The following TIAM1 variants were observed in gnomAD, a reference collection of about 807,000 sequenced individuals.
TIAM1 encodes TIAM Rac1 associated GEF 1, also known as rho guanine nucleotide exchange factor TIAM1.
In TIAM1, 65 loss-of-function variants were observed where a neutral mutation model predicts 163.5. The observed-to-expected ratio is 0.40, with a 90% CI of 0.33 to 0.49. TIAM1 has a LOEUF of 0.49. Among genes scored for constraint, TIAM1 ranks in the 20% least tolerant of loss-of-function variants. TIAM1 has a pLI of 0.77. For missense variants in TIAM1, 1,789 were observed against 2,044.7 expected (o/e 0.87, Z 2.41); for synonymous variants, 833 against 810.1 (o/e 1.03, Z -0.48).
chr21:31,461,341 T>A (rs1207550250), intron 2 of TIAM1, among the ~76,000 whole-genome samples: 1 of 152,004 alleles, frequency 6.6e-6, no homozygotes, highest in Non-Finnish European at 1.5e-5. Flanking sequence ...AAAAATTAGC[T>A]GGGCGTGATG....
At chr21:31,170,451 A>G (rs1455336918) in intron 15 of TIAM1, among the ~76,000 whole-genome samples, 1 of 152,216 alleles carries the variant, frequency 6.6e-6, no homozygotes, top group Non-Finnish European at 1.5e-5. Context: ...ATGGATGCAG[A>G]CCACACTGGC....
chr21:31,389,205 AT>A (rs1444811683), intron 2 of TIAM1, among the ~76,000 whole-genome samples: 1 of 151,984 alleles, frequency 6.6e-6, no homozygotes, highest in East Asian at 1.9e-4. Context: ...TTATTTTATT[AT>A]TTTTATTTTA....
chr21:31,245,251 C>T (rs1343398800), intron 6 of TIAM1, among the ~76,000 whole-genome samples: 2 of 151,946 alleles, frequency 1.3e-5, no homozygotes, highest in Non-Finnish European at 2.9e-5. Context: ...CAACTCATAG[C>T]CCTCCTTAGC....
At chr21:31,150,860 T>C (rs918518036) in intron 19 of TIAM1, among the ~76,000 whole-genome samples, 2 of 152,134 alleles carry the variant, frequency 1.3e-5, no homozygotes, top group Non-Finnish European at 2.9e-5. Context: ...ATAAAGGATA[T>C]ACAAAGAACT....
chr21:31,181,112 T>C (rs2084991374), intron 15 of TIAM1, among the ~76,000 whole-genome samples: 1 of 152,192 alleles, frequency 6.6e-6, no homozygotes, highest in South Asian at 2.1e-4. Context: ...AAACCCCAAC[T>C]TACTAAATCA....
At chr21:31,209,789 A>G (rs897460157) in intron 11 of TIAM1, among the ~76,000 whole-genome samples, 4 of 152,368 alleles carry the variant, frequency 2.6e-5, no homozygotes, top group Admixed American at 2.0e-4. Flanking sequence ...CATGTGATAC[A>G]TGCATTAGAA....
chr21:31,507,800 T>C (rs2047081932), intron 1 of TIAM1, among the ~76,000 whole-genome samples: 1 of 152,060 alleles, frequency 6.6e-6, no homozygotes, highest in Non-Finnish European at 1.5e-5. Context: ...AATCATATTA[T>C]GGGAAGGTGT....
At chr21:31,238,995 C>A (rs576963707) in intron 6 of TIAM1, among the ~76,000 whole-genome samples, 1 of 152,118 alleles carries the variant, frequency 6.6e-6, no homozygotes, top group African/African-American at 2.4e-5. Flanking sequence ...TGGTGGTATA[C>A]AATAAGGGCT....
At chr21:31,404,896 C>T (rs1196919580) in intron 2 of TIAM1, among the ~76,000 whole-genome samples, 1 of 151,994 alleles carries the variant, frequency 6.6e-6, no homozygotes, top group Admixed American at 6.6e-5. Context: ...TACCAATATC[C>T]AACAGCTCCC....
intron 1 of TIAM1, among the ~76,000 whole-genome samples, chr21:31,485,977 T>C (rs1175087552): frequency 6.6e-6 from 1 of 152,194 alleles, no homozygotes; most frequent in African/African-American, 2.4e-5. Flanking sequence ...TGCCTGGTTC[T>C]CTGATTCCCT....
chr21:31,189,044 C>CTTTTTTTTTT (rs58786753), intron 13 of TIAM1, among the ~76,000 whole-genome samples: 10 of 70,070 alleles, frequency 1.4e-4, no homozygotes, highest in African/African-American at 2.9e-4. Context: ...TCCATTCCCT[C>CTTTTTTTTTT]TTTTTTTTTT....
At chr21:31,208,772 G>T (rs1317749274) in intron 11 of TIAM1, among the ~76,000 whole-genome samples, 1 of 152,172 alleles carries the variant, frequency 6.6e-6, no homozygotes, top group African/African-American at 2.4e-5. Flanking sequence ...AAAGCCGTCT[G>T]TGATTTGCTT....
At chr21:31,441,791 G>A (rs141988330) in intron 2 of TIAM1, among the ~76,000 whole-genome samples, 1,687 of 151,244 alleles carry the variant, frequency 0.011, 34 homozygotes, top group African/African-American at 0.039. Context: ...GCTCATGCCT[G>A]TAATCCCAGC....
chr21:31,311,445 G>C (rs142032794), intron 2 of TIAM1, among the ~76,000 whole-genome samples: 1 of 152,166 alleles, frequency 6.6e-6, no homozygotes, highest in African/African-American at 2.4e-5. Context: ...CAGAATGGAA[G>C]GTGATTTATC....
In TIAM1 at chr21:31,120,764, A is replaced by C; in HGVS notation, c.4380T>G (p.Asp1460Glu). The change falls in exon 28 of 28, where the codon GAT becomes GAG. Residue 1460 changes from aspartate (D) to glutamate (E), a missense_variant. Physicochemically the swap from Asp to Glu is conservative, Grantham distance 45. This residue lies in a region of TIAM1 where 415 missense variants were observed against 439.2 expected (regional missense o/e 0.94). Coordinates refer to ENST00000541036, the MANE Select transcript of TIAM1 (RefSeq NM_001353694.2). This position sits in a 1 kb window ranked among gnomAD's most constrained non-coding sequence, Gnocchi z 4.2. ...LARNRFTIDSDAVSASSPEKE... is the reference protein window; with the variant it reads ...LARNRFTIDSEAVSASSPEKE... ...TCTCCGGGCTGCTTGCGGAGACGGCATCAGAATCAATGGTAAACCTGTTTC... is the reference window on the plus strand; with the variant it reads ...TCTCCGGGCTGCTTGCGGAGACGGCCTCAGAATCAATGGTAAACCTGTTTC... 1 of 1,614,060 alleles carries C rather than the reference A, an allele frequency of 6.2e-7. No homozygotes were observed. The highest frequency in any genetic ancestry group is 8.5e-7 in the Non-Finnish European group (1 of 1,180,034).
intron 2 of TIAM1, among the ~76,000 whole-genome samples, chr21:31,295,630 T>C (rs1786399154): frequency 6.6e-6 from 1 of 152,158 alleles, no homozygotes; most frequent in Admixed American, 6.5e-5. Flanking sequence ...AATGAAATTC[T>C]TTATGATGAA....
At chr21:31,531,962 A>T (rs11486543) in intron 1 of TIAM1, among the ~76,000 whole-genome samples, 2 of 152,020 alleles carry the variant, frequency 1.3e-5, no homozygotes, top group Non-Finnish European at 2.9e-5. Flanking sequence ...ATGAAAAATT[A>T]AAAAATTAAC....
chr21:31,236,623 G>T (rs2088781824), intron 6 of TIAM1, among the ~76,000 whole-genome samples: 1 of 151,862 alleles, frequency 6.6e-6, no homozygotes, highest in Non-Finnish European at 1.5e-5. Flanking sequence ...TCTGAGTTGG[G>T]TTTTTGAAAA....
At chr21:31,160,087 G>A (rs937834522) in intron 16 of TIAM1, among the ~76,000 whole-genome samples, 4 of 152,270 alleles carry the variant, frequency 2.6e-5, no homozygotes, top group South Asian at 4.1e-4. Context: ...CACCATGCAC[G>A]TAACACAAAA....
Sources: allele counts gnomAD v4.1 joint callset (sites outside exome capture counted in the v4.1 genomes callset), GRCh38; gene constraint gnomAD v4.1.1; regional missense constraint gnomAD v4.1.1; non-coding constraint Gnocchi (gnomAD v3.1); transcripts MANE v1.5; gene names NCBI Gene and HGNC (gene_info 2026-07-23, HGNC 2026-07-21).